FRMD4B: variants seen among roughly 807,000 people sequenced by gnomAD.
The protein encoded by FRMD4B is FERM domain containing 4B.
A neutral mutation model predicts 141.5 loss-of-function variants in FRMD4B; 74 were observed. The observed-to-expected ratio is 0.52, with a 90% confidence interval of 0.43 to 0.63. The LOEUF is 0.63. Ranked by LOEUF, FRMD4B falls within the 30% of genes least tolerant of loss-of-function variation. The probability of loss-of-function intolerance (pLI) is 0.00; values close to 1 mark genes in which losing one functional copy is unlikely to be tolerated. For missense variants in FRMD4B, 1,366 were observed against 1,253.4 expected, an observed-to-expected ratio of 1.09 and a Z score of -1.36; for synonymous variants, 506 against 467.9, an observed-to-expected ratio of 1.08 and a Z score of -1.05.
chr3:69,245,195 G>A (rs568511190), intron 7 of FRMD4B, among the ~76,000 whole-genome samples: 3 of 152,274 alleles, frequency 2.0e-5, no homozygotes, highest in Admixed American at 2.0e-4. Flanking sequence ...TAAGTAATTT[G>A]TTCAAGATTA....
chr3:69,224,479 G>T, intron 8 of FRMD4B, 128 bp downstream of exon 8: 1 of 686,440 alleles, frequency 1.5e-6, no homozygotes, highest in South Asian at 1.6e-5. Flanking sequence ...TCTACCTATG[G>T]TTACTTTATA....
At chr3:69,343,082 T>C (rs998585824) in intron 1 of FRMD4B, among the ~76,000 whole-genome samples, 12 of 147,886 alleles carry the variant, frequency 8.1e-5, no homozygotes, top group African/African-American at 3.0e-4. Flanking sequence ...ACCTCCCAAG[T>C]GGCTGGGACT....
chr3:69,439,602 T>C (rs1705313764), intron 1 of FRMD4B, among the ~76,000 whole-genome samples: 1 of 152,202 alleles, frequency 6.6e-6, no homozygotes, highest in African/African-American at 2.4e-5. Flanking sequence ...TGAGAAATGC[T>C]GCTGATTTCT....
In FRMD4B at chr3:69,313,622, A is replaced by G. The variant is rs1404986589; in HGVS notation, c.163-105T>C. On this transcript the variant is annotated intron_variant, in intron 1 of 22. Coordinates refer to ENST00000398540, the MANE Select transcript of FRMD4B (RefSeq NM_015123.3). ...TATATGAGATGGGCTCAGCCTAAAA[A>G]TGGCTTTAGTTGAGTTAATAAACAG... 4.2e-6 allele frequency: 3 copies of G among 706,450 alleles called. No individual in the cohort carries two copies. In the East Asian group the frequency reaches 8.1e-5, roughly 19 times the overall value. The allele number at this position is 706,450 out of a possible 1,614,324, so 43.8% of individuals were successfully genotyped here.
chr3:69,525,029 T>G (rs983392107), intron 1 of FRMD4B, among the ~76,000 whole-genome samples: 10 of 152,194 alleles, frequency 6.6e-5, no homozygotes, highest in Admixed American at 5.9e-4. Context: ...AATGGGGAAC[T>G]CTGCTAATGG....
chr3:69,540,656 TATATACACACACAC>T (rs1210157951), intron 1 of FRMD4B, among the ~76,000 whole-genome samples: 1 of 75,544 alleles, frequency 1.3e-5, no homozygotes, highest in Non-Finnish European at 2.2e-5. Flanking sequence ...TATATATATA[TATATACACACACAC>T]ACACACACAC....
At chr3:69,230,931 A>T (rs2093300548) in intron 7 of FRMD4B, among the ~76,000 whole-genome samples, 3 of 152,230 alleles carry the variant, frequency 2.0e-5, no homozygotes, top group Non-Finnish European at 4.4e-5. Context: ...CAAGTCCCCA[A>T]ATAAGAAACA....
intron 1 of FRMD4B, among the ~76,000 whole-genome samples, chr3:69,343,439 G>A (rs1463134840): frequency 1.3e-5 from 2 of 152,040 alleles, no homozygotes; most frequent in Non-Finnish European, 1.5e-5. Flanking sequence ...ACTCCTGAAT[G>A]CTTTAGGGTC....
chr3:69,223,933 T>C (rs1200597353), intron 8 of FRMD4B, among the ~76,000 whole-genome samples: 1 of 152,232 alleles, frequency 6.6e-6, no homozygotes, highest in Non-Finnish European at 1.5e-5. Flanking sequence ...TTTCACTATA[T>C]ATTTGGGAAT....
chr3:69,391,464 G>C (rs1704381659), intron 2 of FRMD4B, among the ~76,000 whole-genome samples: 1 of 140,434 alleles, frequency 7.1e-6, no homozygotes, highest in Non-Finnish European at 1.5e-5. Context: ...TGTTCCCACT[G>C]TTCAATTCCC....
chr3:69,514,989 C>T (rs2107111467), intron 1 of FRMD4B, among the ~76,000 whole-genome samples: 2 of 152,196 alleles, frequency 1.3e-5, no homozygotes, highest in East Asian at 3.9e-4. Context: ...AGAATCAAAG[C>T]TATGTGGTAC....
chr3:69,421,007 C>G (rs1704967686), intron 2 of FRMD4B, among the ~76,000 whole-genome samples: 1 of 152,208 alleles, frequency 6.6e-6, no homozygotes, highest in African/African-American at 2.4e-5. Context: ...CCTCCCACGC[C>G]CTCACTCCCC....
At chr3:69,454,597 G>A (rs1369602684) in intron 1 of FRMD4B, among the ~76,000 whole-genome samples, 1 of 152,188 alleles carries the variant, frequency 6.6e-6, no homozygotes, top group Non-Finnish European at 1.5e-5. Context: ...AGCTGCGGAG[G>A]GTGTGCCGGG....
chr3:69,528,366 CT>C (rs560589545), intron 1 of FRMD4B, among the ~76,000 whole-genome samples: 1,723 of 148,046 alleles, frequency 0.012, 34 homozygotes, highest in African/African-American at 0.042. Flanking sequence ...TTCTCTCTCT[CT>C]TTTTTTTCTT....
At chr3:69,188,206 G>A (rs929267253) in intron 18 of FRMD4B, among the ~76,000 whole-genome samples, 17 of 152,154 alleles carry the variant, frequency 1.1e-4, no homozygotes, top group African/African-American at 3.9e-4. Context: ...GGGTAATACT[G>A]CAGCTTTTAA....
intron 8 of FRMD4B, 108 bp downstream of exon 8, chr3:69,224,499 G>C: frequency 4.3e-6 from 3 of 701,422 alleles, no homozygotes; most frequent in Non-Finnish European, 7.8e-6. Flanking sequence ...ACAATTGATT[G>C]GCAATGTGAT....
At chr3:69,506,048 C>T (rs554281813) in intron 1 of FRMD4B, among the ~76,000 whole-genome samples, 4 of 152,156 alleles carry the variant, frequency 2.6e-5, no homozygotes, top group African/African-American at 9.7e-5. Flanking sequence ...AATAGGATGG[C>T]TTATGGTGCC....
chr3:69,241,890 AC>A, intron 7 of FRMD4B, among the ~76,000 whole-genome samples: 1 of 151,662 alleles, frequency 6.6e-6, no homozygotes, highest in African/African-American at 2.4e-5. Context: ...ACAAAACAAA[AC>A]AAAACAAAAA....
In FRMD4B at chr3:69,195,115, C is replaced by T. The variant is rs1027427752; in HGVS notation, c.1395G>A (p.Glu465=). ...EAELTGKMPK[E]YPLNIGEKPP... ...GCTTCTCGCCTATGTTCAGGGGATA[C>T]TCCTTTGGCATTTTGCCTGTGAGCT... The change falls in exon 16 of 23, where the codon GAG becomes GAA. Residue 465 remains glutamate, a synonymous_variant. Transcript: ENST00000398540. 7 of 1,613,988 alleles carry T rather than the reference C, an allele frequency of 4.3e-6. No individual in the cohort carries two copies. In the Admixed American group the frequency reaches 1.0e-4, roughly 23 times the overall value.
Sources: allele counts gnomAD v4.1 joint callset (sites outside exome capture counted in the v4.1 genomes callset), GRCh38; gene constraint gnomAD v4.1.1; transcripts MANE v1.5; gene names NCBI Gene and HGNC (gene_info 2026-07-23, HGNC 2026-07-21).